The following MYBPC3 variants were observed in gnomAD, a reference collection of about 807,000 sequenced individuals.
The protein encoded by MYBPC3 is myosin binding protein C3.
Under a neutral mutation model 159.3 loss-of-function variants are expected in MYBPC3, and 108 were observed. The ratio of observed to expected loss-of-function variants is 0.68; its 90% confidence interval spans 0.58 to 0.80. The LOEUF (loss-of-function observed/expected upper bound fraction) is 0.80, where lower values mean the gene tolerates loss of function less well. MYBPC3 is among the 30% of genes least tolerant of loss of function. The pLI, the probability that MYBPC3 is intolerant of heterozygous loss-of-function variation, is 0.00. For synonymous variants in MYBPC3, 730 were observed against 702.0 expected, an observed-to-expected ratio of 1.04 and a Z score of -0.63; for missense variants, 1,631 against 1,762.1, an observed-to-expected ratio of 0.93 and a Z score of 1.33.
rs727504864 is a variant in MYBPC3, at chr11:47,337,712, G to A, written c.2391C>T (p.Tyr797=). The change falls in exon 24 of 35, where the codon TAC becomes TAT. Residue 797 remains tyrosine, a synonymous_variant. Coordinates refer to ENST00000545968, the MANE Select transcript of MYBPC3 (RefSeq NM_000256.3). The part of the protein sequence containing the change: ...SCTVQWEPPA[Y]DGGQPILGYI... ...CACCCAGGATGGGCTGCCCGCCATC[G>A]TAGGCAGGCGGCTCCCACTGTACTG... 1.9e-6 allele frequency: 3 copies of A among 1,571,586 alleles called. No individual in the cohort carries two copies. Among genetic ancestry groups the A allele is most frequent in the South Asian group, 1.2e-5 (1 of 86,210 alleles).
At chr11:47,340,487 AC>A (rs1184614138) in intron 20 of MYBPC3, among the ~76,000 whole-genome samples, 1 of 152,030 alleles carries the variant, frequency 6.6e-6, no homozygotes, top group Non-Finnish European at 1.5e-5. Flanking sequence ...ACATGGTGAA[AC>A]CCCGTCTCTA....
Position 47,334,123 on chromosome 11 carries a change from G to T in MYBPC3, c.2906-113C>A. On this transcript the variant is annotated intron_variant, in intron 27 of 34. Transcript: ENST00000545968. Reference sequence around the variant, plus strand: ...GAGAGCTGCAGCTAAGAAAAAAGCTGCCTGCTGGGCCCTGCGCCTCCTTTA... The same window carrying T: ...GAGAGCTGCAGCTAAGAAAAAAGCTTCCTGCTGGGCCCTGCGCCTCCTTTA... 4.8e-6 allele frequency: 5 copies of T among 1,034,482 alleles called. No homozygotes were observed. In the South Asian group the frequency reaches 6.2e-5, roughly 13 times the overall value. The allele number at this position is 1,034,482 out of a possible 1,614,324, so 64.1% of individuals were successfully genotyped here. A position where few individuals can be genotyped will look rare whatever the true frequency, so the allele number is the denominator to read the frequency against.
chr11:47,333,848 C>T, intron 28 of MYBPC3, 74 bp downstream of exon 28: 2 of 1,548,962 alleles, frequency 1.3e-6, no homozygotes, highest in East Asian at 2.4e-5. Flanking sequence ...AGCCCTGAGA[C>T]ATCAGTCCAC....
rs397515917 is a variant in MYBPC3, at chr11:47,342,569, C to A, written c.1624+9G>T. The A allele has an allele frequency of 1.9e-6, 3 of 1,573,284 alleles. No individual in the cohort carries two copies. The African/African-American group carries it at 4.0e-5, about 21-fold the overall frequency. Reference sequence around the variant, plus strand: ...CTAAAGCCTCATGTGCCCCCCCAGCCAGGCTCACCCTGCACAATGAGCTCA... The same window carrying A: ...CTAAAGCCTCATGTGCCCCCCCAGCAAGGCTCACCCTGCACAATGAGCTCA... On this transcript the variant is annotated intron_variant, in intron 17 of 34. Coordinates refer to ENST00000545968, the MANE Select transcript of MYBPC3 (RefSeq NM_000256.3).
In MYBPC3 at chr11:47,337,694, G is replaced by C. The variant is rs202088839; in HGVS notation, c.2409C>G (p.Ile803Met). 1.3e-6 allele frequency: 2 copies of C among 1,584,764 alleles called. No homozygotes were observed. The highest frequency in any genetic ancestry group is 1.7e-6 in the Non-Finnish European group (2 of 1,165,600). The change falls in exon 24 of 35, where the codon ATC becomes ATG. Residue 803 changes from isoleucine to methionine, a missense_variant. Ile to Met is a conservative substitution (Grantham distance 10). Coordinates refer to ENST00000545968, the MANE Select transcript of MYBPC3 (RefSeq NM_000256.3). Reference sequence around the variant, plus strand: ...ATCCGGTGCCCTTGCACTCACCCAGGATGGGCTGCCCGCCATCGTAGGCAG... The same window carrying C: ...ATCCGGTGCCCTTGCACTCACCCAGCATGGGCTGCCCGCCATCGTAGGCAG... Reference protein sequence around the residue: ...EPPAYDGGQPILGYILERKKK... With the variant: ...EPPAYDGGQPMLGYILERKKK...
chr11:47,337,935 ATTTC>A lies in MYBPC3; in HGVS notation c.2309-145_2309-142del, dbSNP rs2095884201. The A allele has an allele frequency of 2.3e-5, 12 of 528,788 alleles. No homozygotes were observed. In the South Asian group the frequency reaches 3.6e-4, roughly 16 times the overall value. The allele number at this position is 528,788 out of a possible 1,614,324, so 32.8% of individuals were successfully genotyped here. On this transcript the variant is annotated intron_variant, in intron 23 of 34. Transcript: ENST00000545968. Reference sequence around the variant, plus strand: ...ATCCAAAGAGATCTTTCTAGAATGCATTTCTTTCTTCTTTTCCTTTTTTTTTTTT... The same window carrying A: ...ATCCAAAGAGATCTTTCTAGAATGCATTTCTTCTTTTCCTTTTTTTTTTTT...
Position 47,333,474 on chromosome 11 carries a change from G to A in MYBPC3, c.3190+83C>T, listed in dbSNP as rs1453201335. 2.6e-5 allele frequency: 40 copies of A among 1,560,302 alleles called. No individual in the cohort carries two copies. In the Admixed American group the frequency reaches 6.9e-4, roughly 27 times the overall value. ...ACTGGAAAATGTGAGCTGTGGGTTG[G>A]GTCCCCTGGCCCCACCCTTGGCCCC... On this transcript the variant is annotated intron_variant, in intron 29 of 34. Coordinates refer to ENST00000545968, the MANE Select transcript of MYBPC3 (RefSeq NM_000256.3).
At chr11:47,348,345 C>G in intron 6 of MYBPC3, 79 bp downstream of exon 6, 1 of 1,077,028 alleles carries the variant, frequency 9.3e-7, no homozygotes, top group Non-Finnish European at 1.4e-6. Context: ...AGGCATCCTC[C>G]TTAGTGTTGG....
Position 47,339,809 on chromosome 11 carries a change from A to T in MYBPC3, c.1928-19T>A, listed in dbSNP as rs1057521020. The stretch of plus-strand genomic sequence containing the variant: ...GGAGGTTCTGCAGAAGACACAATGT[A>T]GTTCAGAGAAACGGGAGAGCCAGGA... On this transcript the variant is annotated intron_variant, in intron 20 of 34. Coordinates refer to ENST00000545968, the MANE Select transcript of MYBPC3 (RefSeq NM_000256.3). 6.2e-7 allele frequency: 1 copy of T among 1,606,082 alleles called. No individual in the cohort carries two copies.
chr11:47,340,687 A>T (rs1347372804), intron 20 of MYBPC3, among the ~76,000 whole-genome samples: 3 of 152,166 alleles, frequency 2.0e-5, no homozygotes, highest in Admixed American at 6.5e-5. Context: ...AAAATAAAAA[A>T]AAAGGAAGAA....
At position 47,335,546 on chromosome 11, in the gene MYBPC3, C is replaced by T. The variant is rs568798251; in HGVS notation, c.2737+331G>A. 384 of 285,388 alleles carry T rather than the reference C, an allele frequency of 1.3e-3. 1 individual carries two copies. The highest frequency in any genetic ancestry group is 4.0e-4 in the Admixed American group (8 of 19,788). The allele number at this position is 285,388 out of a possible 1,614,324, so 17.7% of individuals were successfully genotyped here. On this transcript the variant is annotated intron_variant, in intron 26 of 34. Coordinates refer to ENST00000545968, the MANE Select transcript of MYBPC3 (RefSeq NM_000256.3). ...TTCTCCACGTTGGTCAGACTGGTCT[C>T]GAACTCCCGACCTCAGGTGATCCGC... is the stretch of plus-strand genomic sequence containing the variant.
chr11:47,339,876 C>T, intron 20 of MYBPC3, 86 bp from the exon 21 acceptor site: 2 of 1,447,556 alleles, frequency 1.4e-6, no homozygotes, highest in Non-Finnish European at 1.9e-6. Context: ...AGAGCCTGGG[C>T]CCCTGGTTAT....
rs964807081 is a variant in MYBPC3 at position 47,348,367 on chromosome 11, A to G, written c.772+57T>C. The G allele has an allele frequency of 1.1e-5, 14 of 1,277,748 alleles. No individual in the cohort carries two copies. In the African/African-American group the frequency reaches 1.9e-4, roughly 18 times the overall value. The allele number at this position is 1,277,748 out of a possible 1,614,324, so 79.2% of individuals were successfully genotyped here. A position where few individuals can be genotyped will look rare whatever the true frequency, so the allele number is the denominator to read the frequency against. On this transcript the variant is annotated intron_variant, in intron 6 of 34. Coordinates refer to ENST00000545968, the MANE Select transcript of MYBPC3 (RefSeq NM_000256.3). ...CTCCTTAGTGTTGGGAAAAGGAGGT[A>G]GGAGACCAGGACCCATGGGGAGCCC...
At chr11:47,347,582 T>C in intron 8 of MYBPC3, 69 bp downstream of exon 8, 6 of 1,558,874 alleles carry the variant, frequency 3.8e-6, no homozygotes, top group Non-Finnish European at 5.2e-6. Context: ...CTAGCCAGAT[T>C]GGGCTCCCAC....
In MYBPC3 at chr11:47,347,685, G is replaced by A. The variant is rs764381544; in HGVS notation, c.822-5C>T. The A allele has an allele frequency of 2.5e-6, 4 of 1,570,964 alleles. No individual in the cohort carries two copies. The South Asian group carries it at 3.5e-5, about 14-fold the overall frequency. On this transcript the variant is annotated splice_polypyrimidine_tract_variant and splice_region_variant and intron_variant, in intron 7 of 34. Coordinates refer to ENST00000545968, the MANE Select transcript of MYBPC3 (RefSeq NM_000256.3). ...CGACCACCTCCAGCCAGGCTCCTGT[G>A]GGGGTTAGACTCAGTATCCTCACCT...
chr11:47,349,764 G>A lies in MYBPC3; in HGVS notation c.654+10C>T, dbSNP rs555554110. 5 of 1,601,780 alleles carry A rather than the reference G, an allele frequency of 3.1e-6. No homozygotes were observed. In the Admixed American group the frequency reaches 6.7e-5, roughly 21 times the overall value. ...CTCTCTCCGTGTCTCCACGACCCCG[G>A]TGGACCCACCTTGCTGGCGCGGTCG... is the stretch of plus-strand genomic sequence containing the variant. On this transcript the variant is annotated intron_variant, in intron 5 of 34. Transcript: ENST00000545968.
Position 47,341,246 on chromosome 11 carries a change from T to C in MYBPC3, c.1791-2A>G. 6.3e-7 allele frequency: 1 copy of C among 1,576,038 alleles called. No individual in the cohort carries two copies. Among genetic ancestry groups the C allele is most frequent in the Non-Finnish European group, 8.6e-7 (1 of 1,160,408 alleles). On this transcript the variant is annotated splice_acceptor_variant, in intron 18 of 34. Coordinates refer to ENST00000545968, the MANE Select transcript of MYBPC3 (RefSeq NM_000256.3). LOFTEE classifies it high-confidence loss of function. Reference sequence around the variant, plus strand: ...TCGTCAATGGTCAGTTTGTGGACCCTGCAGGGGAGCAGTGGCTCAGGGGAC... The same window carrying C: ...TCGTCAATGGTCAGTTTGTGGACCCCGCAGGGGAGCAGTGGCTCAGGGGAC...
In MYBPC3 at chr11:47,351,398, C is replaced by T. The variant is rs775837337; in HGVS notation, c.133G>A (p.Gly45Arg). Residue 45 changes from glycine (G) to arginine (R), a missense_variant, in exon 2 of 35, where the codon GGA becomes AGA. Coordinates refer to ENST00000545968, the MANE Select transcript of MYBPC3 (RefSeq NM_000256.3). This position sits in a 1 kb window ranked among gnomAD's most constrained non-coding sequence, Gnocchi z 4.2. ...TTGCTGGCGCTGATGTCACTGCCTCCGCGCTGCCAGCGCACCTTCACTCCT... is the reference window on the plus strand; with the variant it reads ...TTGCTGGCGCTGATGTCACTGCCTCTGCGCTGCCAGCGCACCTTCACTCCT... ...RAGVKVRWQR[G>R]GSDISASNKY... 19 of 1,609,684 alleles carry T rather than the reference C, an allele frequency of 1.2e-5. No individual in the cohort carries two copies. The highest frequency in any genetic ancestry group is 1.4e-5 in the Non-Finnish European group (16 of 1,178,590).
rs750810342 is a variant in MYBPC3 at position 47,338,553 on chromosome 11, C to T, written c.2275G>A (p.Glu759Lys). The T allele has an allele frequency of 9.3e-6, 15 of 1,613,920 alleles. No homozygotes were observed. In the East Asian group the frequency reaches 1.6e-4, roughly 17 times the overall value. Residue 759 changes from glutamate (E) to lysine (K), a missense_variant, in exon 23 of 35, where the codon GAG becomes AAG. Coordinates refer to ENST00000545968, the MANE Select transcript of MYBPC3 (RefSeq NM_000256.3). This position sits in a 1 kb window ranked among gnomAD's most constrained non-coding sequence, Gnocchi z 4.7. ...TTGACTGTGAGGTTGACCTGGTCCTCGCCCACAGGGTTCTTCACTGTGACC... is the reference window on the plus strand; with the variant it reads ...TTGACTGTGAGGTTGACCTGGTCCTTGCCCACAGGGTTCTTCACTGTGACC... ...YTVTVKNPVG[E>K]DQVNLTVKVI...
Sources: gnomAD v4.1 joint callset for allele counts (sites outside exome capture counted in the v4.1 genomes callset) on GRCh38, gnomAD v4.1.1 for gene constraint, Gnocchi (gnomAD v3.1) non-coding constraint, MANE v1.5 for transcripts, NCBI Gene and HGNC (gene_info 2026-07-23, HGNC 2026-07-21) for gene names.